Variants in DACH2 observed in about 807,000 individuals in gnomAD.
DACH2 encodes the protein dachshund family transcription factor 2, also known as dachshund homolog 2.
Under a neutral mutation model 35.8 loss-of-function variants are expected in DACH2, and 17 were observed. That is an observed-to-expected ratio of 0.48 (90% CI 0.33 to 0.71). The LOEUF is 0.71. Ranked by LOEUF, DACH2 falls within the 30% of genes least tolerant of loss-of-function variation. The pLI is 0.02. For missense variants in DACH2, 469 were observed against 472.7 expected (o/e 0.99, Z 0.07); for synonymous variants, 195 against 177.3 (o/e 1.10, Z -0.79).
intron 3 of DACH2, among the ~76,000 whole-genome samples, chrX:86,575,349 T>TG (rs755872399): frequency 1.9e-3 from 208 of 109,692 alleles, no homozygotes; most frequent in African/African-American, 5.6e-3. Context: ...AATGCAATGG[T>TG]GGGGGGGGAA....
At chrX:86,321,193 C>T (rs1222694724) in intron 1 of DACH2, among the ~76,000 whole-genome samples, 2 of 111,360 alleles carry the variant, frequency 1.8e-5, no homozygotes, top group Non-Finnish European at 1.9e-5. Flanking sequence ...CCTGAGACCT[C>T]CTTGGTCCCA....
chrX:86,258,971 T>C (rs944737308), intron 1 of DACH2, among the ~76,000 whole-genome samples: 19 of 112,070 alleles, frequency 1.7e-4, no homozygotes, highest in Non-Finnish European at 3.4e-4. Context: ...TTTATTGTCA[T>C]GTAACCTTTT....
chrX:86,811,471 C>A (rs1053349260), intron 7 of DACH2, among the ~76,000 whole-genome samples: 3 of 111,703 alleles, frequency 2.7e-5, no homozygotes, highest in Non-Finnish European at 5.6e-5. Flanking sequence ...TTGGTTATGT[C>A]TAGATTTAAG....
At chrX:86,180,728 G>A (rs2031460992) in intron 1 of DACH2, among the ~76,000 whole-genome samples, 1 of 111,160 alleles carries the variant, frequency 9.0e-6, no homozygotes, top group Non-Finnish European at 1.9e-5. Flanking sequence ...TCTTTTTTAA[G>A]GGTAGGCATC....
intron 6 of DACH2, among the ~76,000 whole-genome samples, chrX:86,736,880 T>C (rs1253285152): frequency 9.0e-6 from 1 of 111,472 alleles, no homozygotes; most frequent in Non-Finnish European, 1.9e-5. Context: ...TTCATTGAAT[T>C]ACACATATTT....
At chrX:86,569,261 A>G (rs2039333126) in intron 3 of DACH2, among the ~76,000 whole-genome samples, 4 of 111,038 alleles carry the variant, frequency 3.6e-5, no homozygotes, top group Admixed American at 2.9e-4. Context: ...GAGCTTCACA[A>G]TTGCCCTAGG....
intron 3 of DACH2, among the ~76,000 whole-genome samples, chrX:86,577,067 C>T (rs751636210): frequency 8.9e-6 from 1 of 112,046 alleles, no homozygotes; most frequent in Admixed American, 9.5e-5. Flanking sequence ...TGAACTAAGC[C>T]ATCGTAATAA....
At chrX:86,205,482 CTCCTTCCCTCCTTCCTTCCT>C (rs1569301605) in intron 1 of DACH2, among the ~76,000 whole-genome samples, 9 of 43,457 alleles carry the variant, frequency 2.1e-4, no homozygotes, top group Admixed American at 2.2e-4. Context: ...CCCTCCTTCC[CTCCTTCCCTCCTTCCTTCCT>C]TCCTTCCTTC....
chrX:86,450,142 G>A (rs1438999557), intron 2 of DACH2, among the ~76,000 whole-genome samples: 2 of 110,967 alleles, frequency 1.8e-5, no homozygotes, highest in Admixed American at 9.7e-5. Flanking sequence ...CGTGTGCTAT[G>A]TTGTTTTGCT....
chrX:86,522,949 C>A (rs779086831), intron 3 of DACH2, among the ~76,000 whole-genome samples: 1 of 111,459 alleles, frequency 9.0e-6, no homozygotes, highest in Non-Finnish European at 1.9e-5. Context: ...TGATGGCTTC[C>A]CTTTCCTCAG....
chrX:86,241,772 T>A (rs2033170477), intron 1 of DACH2, among the ~76,000 whole-genome samples: 2 of 112,401 alleles, frequency 1.8e-5, no homozygotes, highest in South Asian at 7.3e-4. Context: ...GCTCAGCTAC[T>A]CTGTGCAGCC....
intron 2 of DACH2, chrX:86,481,518 T>C (rs1258862653): frequency 8.9e-6 from 1 of 112,313 alleles, no homozygotes; most frequent in African/African-American, 3.2e-5. Flanking sequence ...TTGTTATCTG[T>C]ATACCAAGTA....
At chrX:86,226,281 T>C (rs1302637354) in intron 1 of DACH2, among the ~76,000 whole-genome samples, 3 of 111,828 alleles carry the variant, frequency 2.7e-5, no homozygotes. Context: ...GTATCTTCTT[T>C]CAGTGAACAG....
At chrX:86,802,916 A>G (rs1052434510) in intron 7 of DACH2, among the ~76,000 whole-genome samples, 3 of 111,890 alleles carry the variant, frequency 2.7e-5, no homozygotes, top group African/African-American at 6.5e-5. Flanking sequence ...CCCATTCCCA[A>G]TCCTGCCACT....
chrX:86,686,750 G>T (rs915308733), intron 4 of DACH2, among the ~76,000 whole-genome samples: 1 of 111,676 alleles, frequency 9.0e-6, no homozygotes, highest in Admixed American at 9.5e-5. Flanking sequence ...CTAATAGTTT[G>T]CAAGAGTTTC....
intron 1 of DACH2, among the ~76,000 whole-genome samples, chrX:86,303,168 G>A (rs1234441280): frequency 9.5e-6 from 1 of 105,734 alleles, no homozygotes; most frequent in Non-Finnish European, 1.9e-5. Flanking sequence ...AAAGAGCACT[G>A]CACCAGGAAT....
chrX:86,619,851 G>C (rs2040049402), intron 3 of DACH2, among the ~76,000 whole-genome samples: 1 of 111,987 alleles, frequency 8.9e-6, no homozygotes, highest in Non-Finnish European at 1.9e-5. Flanking sequence ...GCTTAGAGTT[G>C]TGCTATATAG....
chrX:86,411,527 A>T (rs1352064106), intron 2 of DACH2, among the ~76,000 whole-genome samples: 1 of 110,991 alleles, frequency 9.0e-6, no homozygotes, highest in African/African-American at 3.3e-5. Context: ...ATTACACCTA[A>T]CATCATATGA....
chrX:86,759,459 A>G (rs1883920593), intron 7 of DACH2, among the ~76,000 whole-genome samples: 4 of 110,421 alleles, frequency 3.6e-5, no homozygotes, highest in South Asian at 3.8e-4. Flanking sequence ...TTTGGTTTTC[A>G]TCTGCATAGA....
Sources: allele counts gnomAD v4.1 joint callset (sites outside exome capture counted in the v4.1 genomes callset), GRCh38; gene constraint gnomAD v4.1.1; transcripts MANE v1.5; gene names NCBI Gene and HGNC (gene_info 2026-07-23, HGNC 2026-07-21).